ATP11C: variants seen among roughly 807,000 people sequenced by gnomAD.
ATP11C encodes ATPase phospholipid transporting 11C (ATP11C blood group).
ATP11C carries 36 observed loss-of-function variants against 97.4 expected under a neutral mutation model. The observed-to-expected ratio is 0.37, with a 90% CI of 0.28 to 0.49. ATP11C has a LOEUF of 0.49. ATP11C is among the 20% of genes least tolerant of loss of function. The pLI is 0.98. For synonymous variants in ATP11C, 275 were observed against 290.9 expected (o/e 0.95, Z 0.56); for missense variants, 730 against 824.6 (o/e 0.89, Z 1.40).
intron 5 of ATP11C, among the ~76,000 whole-genome samples, chrX:139,808,770 G>T (rs756864546): frequency 8.9e-6 from 1 of 112,235 alleles, no homozygotes; most frequent in East Asian, 2.8e-4. Context: ...ATAGGGAAAT[G>T]AAAAAATGTG....
At chrX:139,832,151 A>G in intron 1 of ATP11C, 1 of 1,208,313 alleles carries the variant, frequency 8.3e-7, no homozygotes, top group Non-Finnish European at 1.1e-6. Flanking sequence ...ATAGATTACA[A>G]ACCTCAGAGG....
intron 1 of ATP11C, among the ~76,000 whole-genome samples, chrX:139,922,759 C>A (rs2085287686): frequency 9.0e-6 from 1 of 111,585 alleles, no homozygotes; most frequent in Admixed American, 9.6e-5. Flanking sequence ...TGTGCATAAG[C>A]CACTGAATCT....
intron 1 of ATP11C, among the ~76,000 whole-genome samples, chrX:139,834,931 G>T (rs1428844826): frequency 7.1e-5 from 8 of 112,151 alleles, no homozygotes; most frequent in Non-Finnish European, 9.4e-5. Context: ...AAAATTTTTT[G>T]ACCACAGAAC....
intron 1 of ATP11C, among the ~76,000 whole-genome samples, chrX:139,888,932 C>T (rs2084687402): frequency 9.1e-6 from 1 of 110,305 alleles, no homozygotes; most frequent in Admixed American, 9.7e-5. Context: ...CCTCCGCCTC[C>T]GAGTAGCTGG....
chrX:139,928,688 ATAT>A (rs1367036355), intron 1 of ATP11C, among the ~76,000 whole-genome samples: 2 of 111,386 alleles, frequency 1.8e-5, no homozygotes, highest in Non-Finnish European at 3.8e-5. Context: ...CTTCTGTGTG[ATAT>A]TATGATTATA....
At chrX:139,896,619 G>GTCTCTCTC (rs202000678) in intron 1 of ATP11C, among the ~76,000 whole-genome samples, 9 of 90,899 alleles carry the variant, frequency 9.9e-5, no homozygotes, top group Non-Finnish European at 1.5e-4. Flanking sequence ...TTGAGAAAGA[G>GTCTCTCTC]TCTCTCTCTC....
chrX:139,781,733 A>G (rs2082463075), intron 18 of ATP11C, among the ~76,000 whole-genome samples: 2 of 110,984 alleles, frequency 1.8e-5, no homozygotes. Flanking sequence ...AAATAAATAA[A>G]TAAAAATAAA....
chrX:139,759,819 CA>C (rs2082003246), intron 22 of ATP11C, among the ~76,000 whole-genome samples: 1 of 112,121 alleles, frequency 8.9e-6, no homozygotes, highest in Admixed American at 9.4e-5. Flanking sequence ...AACCACTGGT[CA>C]ACATTTGCCA....
intron 1 of ATP11C, among the ~76,000 whole-genome samples, chrX:139,882,876 C>A (rs1360009851): frequency 1.8e-5 from 2 of 111,314 alleles, no homozygotes; most frequent in Non-Finnish European, 3.8e-5. Context: ...CTAAGCACCC[C>A]AAGGAGTGGT....
intron 1 of ATP11C, among the ~76,000 whole-genome samples, chrX:139,890,582 C>G (rs2084712380): frequency 9.0e-6 from 1 of 111,460 alleles, no homozygotes; most frequent in African/African-American, 3.3e-5. Context: ...TTATCAGAGC[C>G]CCAAGGAAGA....
chrX:139,926,716 A>T (rs2085356915), intron 1 of ATP11C, among the ~76,000 whole-genome samples: 4 of 112,765 alleles, frequency 3.5e-5, no homozygotes. Context: ...CAATAAGCAT[A>T]AACAAAAGGA....
At chrX:139,815,694 CCTCCT>C (rs2083273157) in intron 4 of ATP11C, among the ~76,000 whole-genome samples, 1 of 111,261 alleles carries the variant, frequency 9.0e-6, no homozygotes, top group African/African-American at 3.3e-5. Flanking sequence ...TTGATCATGA[CCTCCT>C]CTCCTTTTTT....
In ATP11C at chrX:139,819,493, C is replaced by T. The variant is rs778046643; in HGVS notation, c.148-66G>A. On this transcript the variant is annotated intron_variant, in intron 2 of 29. Transcript: ENST00000682941. The stretch of plus-strand genomic sequence containing the variant: ...ACTTGAAAAATCTTAATAGTAATGA[C>T]TGATTATGGGTCCACATTATCATAT... The T allele has an allele frequency of 9.3e-6, 4 of 431,577 alleles. No individual in the cohort carries two copies. In the South Asian group the frequency reaches 3.1e-4, roughly 33 times the overall value. 35.6% of individuals were successfully genotyped at this position (431,577 alleles called of 1,213,427 possible).
At chrX:139,752,719 A>G (rs1329641088) in intron 23 of ATP11C, among the ~76,000 whole-genome samples, 2 of 112,361 alleles carry the variant, frequency 1.8e-5, no homozygotes, top group African/African-American at 6.5e-5. Context: ...TCCATCCAAG[A>G]AAGTAAGGAA....
intron 25 of ATP11C, among the ~76,000 whole-genome samples, chrX:139,744,690 C>G (rs1239067232): frequency 1.8e-5 from 2 of 111,946 alleles, no homozygotes; most frequent in South Asian, 3.7e-4. Context: ...CAAAACTGAC[C>G]TGGGAAACTG....
At chrX:139,754,251 T>A (rs1462786645) in intron 23 of ATP11C, among the ~76,000 whole-genome samples, 3 of 111,283 alleles carry the variant, frequency 2.7e-5, no homozygotes, top group African/African-American at 9.8e-5. Flanking sequence ...TCTGGACATA[T>A]ACAACCTCCC....
chrX:139,889,881 G>A (rs1220176829), intron 1 of ATP11C, among the ~76,000 whole-genome samples: 1 of 112,043 alleles, frequency 8.9e-6, no homozygotes, highest in Non-Finnish European at 1.9e-5. Flanking sequence ...GCTGACAACA[G>A]AATAAATGGC....
At chrX:139,774,617 GC>G (rs2082314555) in intron 19 of ATP11C, 72 bp downstream of exon 19, 1 of 927,015 alleles carries the variant, frequency 1.1e-6, no homozygotes, top group African/African-American at 2.0e-5. Flanking sequence ...AGAAAATGAA[GC>G]CTTTTGTATA....
chrX:139,774,830 C>G lies in ATP11C; in HGVS notation c.2076G>C (p.Gln692His). ...TTAGTTCTAAGAGCTCAGTGTTGGT[C>G]TGGAAAAGGCGGCAGGCATAGCATG... ...KSTCYACRLF[Q>H]TNTELLELTT... The change falls in exon 19 of 30, where the codon CAG (glutamine) becomes CAC (histidine). Residue 692 changes from glutamine (Q) to histidine (H), a missense_variant. Gln to His is a conservative substitution (Grantham distance 24). Coordinates refer to ENST00000682941, the MANE Select transcript of ATP11C (RefSeq NM_001353812.2). The G allele has an allele frequency of 8.3e-7, 1 of 1,211,717 alleles. No homozygotes were observed. The highest frequency in any genetic ancestry group is 1.8e-5 in the South Asian group (1 of 57,008).
Sources: allele counts gnomAD v4.1 joint callset (sites outside exome capture counted in the v4.1 genomes callset), GRCh38; gene constraint gnomAD v4.1.1; transcripts MANE v1.5; gene names NCBI Gene and HGNC (gene_info 2026-07-23, HGNC 2026-07-21).